SLC35D4: variants seen among roughly 807,000 people sequenced by gnomAD.
SLC35D4 encodes UDP-N-acetylglucosamine transporter SLC35D4.
chr18:23,247,416 GC>G, the SLC35D4 span, among the ~76,000 whole-genome samples: 1 of 152,192 alleles, frequency 6.6e-6, no homozygotes, highest in African/African-American at 2.4e-5. Context: ...CAGAGCAGTG[GC>G]CTCAAGATGC....
chr18:23,384,230 G>T, the SLC35D4 span, among the ~76,000 whole-genome samples: 8 of 152,258 alleles, frequency 5.3e-5, no homozygotes, highest in South Asian at 8.3e-4. Flanking sequence ...ATTTGAGGCT[G>T]CAGGGAACTA....
the SLC35D4 span, among the ~76,000 whole-genome samples, chr18:23,316,586 A>G: frequency 6.6e-6 from 1 of 152,252 alleles, no homozygotes; most frequent in Non-Finnish European, 1.5e-5. Flanking sequence ...ATCAAAATAT[A>G]TGAACCATTA....
At chr18:23,371,086 CCTCT>C in the SLC35D4 span, among the ~76,000 whole-genome samples, 19 of 142,968 alleles carry the variant, frequency 1.3e-4, no homozygotes, top group African/African-American at 3.2e-4. Flanking sequence ...TCCCTCTCTC[CCTCT>C]CTCTCTCTCT....
At chr18:23,404,568 G>C in the SLC35D4 span, among the ~76,000 whole-genome samples, 4 of 151,280 alleles carry the variant, frequency 2.6e-5, no homozygotes, top group Non-Finnish European at 4.4e-5. Flanking sequence ...AGCTACTCGG[G>C]AGGCTGAGGC....
the SLC35D4 span, chr18:23,377,663 A>C: frequency 1.3e-6 from 2 of 1,577,762 alleles, no homozygotes; most frequent in Non-Finnish European, 8.6e-7. Flanking sequence ...TCTTTGCAGG[A>C]GATGTTTTCT....
chr18:23,259,537 C>T, the SLC35D4 span: 2 of 152,184 alleles, frequency 1.3e-5, no homozygotes, highest in Admixed American at 1.3e-4. Context: ...GTCTCCTGGC[C>T]TGTGGATTTG....
the SLC35D4 span, chr18:23,309,607 G>T: frequency 1.4e-6 from 2 of 1,381,146 alleles, no homozygotes; most frequent in Non-Finnish European, 1.0e-6. Context: ...TGCAACATTT[G>T]AGAGCAAAAT....
the SLC35D4 span, among the ~76,000 whole-genome samples, chr18:23,286,705 G>C: frequency 6.6e-6 from 1 of 151,860 alleles, no homozygotes; most frequent in Non-Finnish European, 1.5e-5. Flanking sequence ...TGTAGGTATT[G>C]ACGGCCAGGC....
At chr18:23,318,038 A>G in the SLC35D4 span, among the ~76,000 whole-genome samples, 2 of 152,170 alleles carry the variant, frequency 1.3e-5, no homozygotes, top group South Asian at 4.1e-4. Flanking sequence ...GTGCCCAACC[A>G]TATGTGTTTC....
At chr18:23,295,673 G>A in the SLC35D4 span, among the ~76,000 whole-genome samples, 5 of 152,182 alleles carry the variant, frequency 3.3e-5, no homozygotes, top group Non-Finnish European at 5.9e-5. Context: ...TCCATTGCTA[G>A]TTGTTTCTTT....
At chr18:23,336,330 G>A in the SLC35D4 span, among the ~76,000 whole-genome samples, 2 of 152,186 alleles carry the variant, frequency 1.3e-5, no homozygotes, top group Non-Finnish European at 2.9e-5. Context: ...CGCCTCATCA[G>A]TGATGTCATG....
the SLC35D4 span, among the ~76,000 whole-genome samples, chr18:23,284,715 T>C: frequency 6.6e-6 from 1 of 152,206 alleles, no homozygotes; most frequent in South Asian, 2.1e-4. Flanking sequence ...CAGAGTTTGG[T>C]TTTTCCATTA....
the SLC35D4 span, among the ~76,000 whole-genome samples, chr18:23,289,074 C>CCA: frequency 6.0e-4 from 91 of 152,252 alleles, no homozygotes; most frequent in African/African-American, 2.1e-3. Flanking sequence ...GACTGTGCCC[C>CCA]AAAAAACTTG....
the SLC35D4 span, among the ~76,000 whole-genome samples, chr18:23,350,630 C>G: frequency 1.8e-4 from 27 of 152,056 alleles, no homozygotes; most frequent in Admixed American, 1.2e-3. Context: ...TTAAGTCCCC[C>G]ACTAGACCAC....
chr18:23,341,506 T>C, the SLC35D4 span, among the ~76,000 whole-genome samples: 2 of 152,204 alleles, frequency 1.3e-5, no homozygotes, highest in South Asian at 2.1e-4. Flanking sequence ...GTGTATTTTT[T>C]AGTCTTCACA....
At chr18:23,248,557 G>A in the SLC35D4 span, among the ~76,000 whole-genome samples, 1 of 142,846 alleles carries the variant, frequency 7.0e-6, no homozygotes, top group Non-Finnish European at 1.5e-5. Context: ...GCTGGACGTG[G>A]TGGCTCATGC....
At chr18:23,384,916 G>A in the SLC35D4 span, 2 of 1,372,776 alleles carry the variant, frequency 1.5e-6, no homozygotes, top group South Asian at 2.4e-5. Context: ...CACTAATTTG[G>A]GCCATAAAAA....
the SLC35D4 span, among the ~76,000 whole-genome samples, chr18:23,418,879 G>A: frequency 2.6e-5 from 4 of 151,802 alleles, no homozygotes; most frequent in East Asian, 2.0e-4. Flanking sequence ...ATGGTGGCAC[G>A]CGCCTGTAGT....
the SLC35D4 span, among the ~76,000 whole-genome samples, chr18:23,381,277 C>CTA: frequency 2.8e-4 from 42 of 152,116 alleles, no homozygotes; most frequent in Non-Finnish European, 5.6e-4. Context: ...GTAAATACAT[C>CTA]TATATATGTG....
Sources: gnomAD v4.1 joint callset for allele counts (sites outside exome capture counted in the v4.1 genomes callset) on GRCh38, gnomAD v4.1.1 for gene constraint, MANE v1.5 for transcripts, NCBI Gene and HGNC (gene_info 2026-07-23, HGNC 2026-07-21) for gene names.